The following DDX25 variants were observed in gnomAD, a reference collection of about 807,000 sequenced individuals.
The protein encoded by DDX25 is DEAD-box helicase 25.
A neutral mutation model predicts 64.6 loss-of-function variants in DDX25; 70 were observed. The ratio of observed to expected loss-of-function variants is 1.08; its 90% CI spans 0.89 to 1.32. DDX25 has a LOEUF of 1.32. DDX25 is among the 40% of genes most tolerant of loss of function. The pLI, the probability that DDX25 is intolerant of heterozygous loss-of-function variation, is 0.00. For synonymous variants in DDX25, 211 were observed against 213.3 expected, an observed-to-expected ratio of 0.99 and a Z score of 0.09; for missense variants, 587 against 604.4, an observed-to-expected ratio of 0.97 and a Z score of 0.30.
At chr11:125,917,530 G>A (rs1310901545) in intron 9 of DDX25, among the ~76,000 whole-genome samples, 1 of 152,158 alleles carries the variant, frequency 6.6e-6, no homozygotes, top group Admixed American at 6.6e-5. Flanking sequence ...TATGTTTATT[G>A]TACCTTGTAC....
Position 125,904,579 on chromosome 11 carries a change from A to T in DDX25, c.62A>T (p.His21Leu). Residue 21 changes from histidine to leucine, a missense_variant and splice_region_variant, in exon 1 of 12, where the codon CAC becomes CTC. By Grantham distance (99) the His-to-Leu change is moderately conservative. Transcript: ENST00000263576. ...GCGGAGAGCGAGCGGCTGAACAGCCACGTAACCGCCACCGAGCCGGGGGGC... is the reference window on the plus strand; with the variant it reads ...GCGGAGAGCGAGCGGCTGAACAGCCTCGTAACCGCCACCGAGCCGGGGGGC... ...GAAESERLNS[H>L]FSNLSQPRKN... 6.7e-7 allele frequency: 1 copy of T among 1,487,818 alleles called. No individual in the cohort carries two copies. The allele number at this position is 1,487,818 out of a possible 1,614,324, so 92.2% of individuals were successfully genotyped here.
intron 9 of DDX25, among the ~76,000 whole-genome samples, chr11:125,917,736 T>C (rs1324615081): frequency 3.3e-5 from 5 of 152,178 alleles, no homozygotes; most frequent in Non-Finnish European, 7.3e-5. Context: ...CCAGCACCTA[T>C]CTGGCACATG....
In DDX25 at chr11:125,925,197, T is replaced by C. The variant is rs910570036; in HGVS notation, c.*2316T>C. Reference sequence around the variant, plus strand: ...GCCTTGGGGTGTCCTAAATAAAACTTTACCACTTTCCTTTACAGTTCAAAT... The same window carrying C: ...GCCTTGGGGTGTCCTAAATAAAACTCTACCACTTTCCTTTACAGTTCAAAT... On this transcript the variant is annotated 3_prime_UTR_variant, in exon 12 of 12. Transcript: ENST00000263576. 6.0e-6 allele frequency: 2 copies of C among 335,748 alleles called. No individual in the cohort carries two copies. The highest frequency in any genetic ancestry group is 1.2e-5 in the Non-Finnish European group (2 of 167,744). 20.8% of individuals were successfully genotyped at this position (335,748 alleles called of 1,614,324 possible). A position where few individuals can be genotyped will look rare whatever the true frequency, so the allele number is the denominator to read the frequency against.
Position 125,922,922 on chromosome 11 carries a change from G to T in DDX25, c.*41G>T. On this transcript the variant is annotated 3_prime_UTR_variant, in exon 12 of 12. Coordinates refer to ENST00000263576, the MANE Select transcript of DDX25 (RefSeq NM_013264.5). Reference sequence around the variant, plus strand: ...GTTTGTGCAGTATCCTAGTTTATGTGAGAATGTCTCAGTGGGTTTTGAAGG... The same window carrying T: ...GTTTGTGCAGTATCCTAGTTTATGTTAGAATGTCTCAGTGGGTTTTGAAGG... 6.4e-7 allele frequency: 1 copy of T among 1,556,916 alleles called. No individual in the cohort carries two copies. Among genetic ancestry groups the T allele is most frequent in the African/African-American group, 1.4e-5 (1 of 73,988 alleles).
At chr11:125,922,676 C>T (rs1318318227) in intron 11 of DDX25, 144 bp from the exon 12 acceptor site, 3 of 610,346 alleles carry the variant, frequency 4.9e-6, no homozygotes, top group Admixed American at 3.2e-5. Context: ...TAGTATTGGT[C>T]AGTGATTTTG....
chr11:125,928,757 G>T lies in DDX25; in HGVS notation c.*5876G>T, dbSNP rs1360517417. ...CCCATTTATCTTGTGGGATGTTAAT[G>T]GTTTCCTTGTCAAGTTGTGTGAAAT... On this transcript the variant is annotated 3_prime_UTR_variant, in exon 12 of 12. Transcript: ENST00000263576. 3.3e-5 allele frequency: 5 copies of T among 152,096 alleles called. No individual in the cohort carries two copies. Among genetic ancestry groups the T allele is most frequent in the African/African-American group, 4.8e-5 (2 of 41,408 alleles). 9.4% of individuals were successfully genotyped at this position (152,096 alleles called of 1,614,324 possible). A position where few individuals can be genotyped will look rare whatever the true frequency, so the allele number is the denominator to read the frequency against.
intron 4 of DDX25, among the ~76,000 whole-genome samples, chr11:125,906,825 A>AAAG (rs1944895205): frequency 6.7e-6 from 1 of 149,282 alleles, no homozygotes. Context: ...CTCCGTCTCA[A>AAAG]AAAAAAAAAA....
At chr11:125,905,667 T>G in intron 3 of DDX25, 70 bp downstream of exon 3, 1 of 1,429,788 alleles carries the variant, frequency 7.0e-7, no homozygotes, top group Admixed American at 2.0e-5. Flanking sequence ...ATAGTGTGAG[T>G]GAATAATATA....
chr11:125,922,841 A>T lies in DDX25; in HGVS notation c.1412A>T (p.Asn471Ile). Reference sequence around the variant, plus strand: ...TTAGACAGCAGTATTAAGCAACTCAACGCTGAAGACATGGATGAAATTGAA... The same window carrying T: ...TTAGACAGCAGTATTAAGCAACTCATCGCTGAAGACATGGATGAAATTGAA... ...DHFNSSIKQL[N>I]AEDMDEIEKI... Residue 471 changes from asparagine to isoleucine, a missense_variant, in exon 12 of 12, where the codon AAC becomes ATC. Asn to Ile is a moderately radical substitution (Grantham distance 149, BLOSUM62 -3). Coordinates refer to ENST00000263576, the MANE Select transcript of DDX25 (RefSeq NM_013264.5). 1 of 1,610,108 alleles carries T rather than the reference A, an allele frequency of 6.2e-7. No individual in the cohort carries two copies. Among genetic ancestry groups the T allele is most frequent in the Non-Finnish European group, 8.5e-7 (1 of 1,177,888 alleles).
intron 4 of DDX25, among the ~76,000 whole-genome samples, chr11:125,906,597 G>A (rs1944891533): frequency 3.3e-5 from 5 of 152,034 alleles, no homozygotes; most frequent in Admixed American, 3.3e-4. Context: ...AGCTGAGGAG[G>A]GCAGATCGCC....
Position 125,922,939 on chromosome 11 carries a change from T to C in DDX25, c.*58T>C. On this transcript the variant is annotated 3_prime_UTR_variant, in exon 12 of 12. Coordinates refer to ENST00000263576, the MANE Select transcript of DDX25 (RefSeq NM_013264.5). ...GTTTATGTGAGAATGTCTCAGTGGG[T>C]TTTGAAGGTAATTTTTTTATGTTGA... is the stretch of plus-strand genomic sequence containing the variant. The C allele has an allele frequency of 6.7e-7, 1 of 1,485,764 alleles. No homozygotes were observed. The highest frequency in any genetic ancestry group is 1.3e-5 in the South Asian group (1 of 77,320). 92.0% of individuals were successfully genotyped at this position (1,485,764 alleles called of 1,614,324 possible). A position where few individuals can be genotyped will look rare whatever the true frequency, so the allele number is the denominator to read the frequency against.
At chr11:125,907,431 AC>A (rs1212516106) in intron 4 of DDX25, among the ~76,000 whole-genome samples, 16 of 152,066 alleles carry the variant, frequency 1.1e-4, no homozygotes, top group African/African-American at 2.7e-4. Flanking sequence ...ACACAGTGAA[AC>A]CCCGTCTCTA....
chr11:125,909,418 T>C (rs912893814), intron 6 of DDX25, among the ~76,000 whole-genome samples: 2 of 152,230 alleles, frequency 1.3e-5, no homozygotes, highest in Admixed American at 1.3e-4. Context: ...TGTTTCCCTA[T>C]CACAGATTCC....
At position 125,905,407 on chromosome 11, in the gene DDX25, C is replaced by T. The variant is rs1021856598; in HGVS notation, c.130+129C>T. The T allele has an allele frequency of 6.0e-6, 8 of 1,337,200 alleles. No homozygotes were observed. The Admixed American group carries it at 1.2e-4, about 20-fold the overall frequency. 82.8% of individuals were successfully genotyped at this position (1,337,200 alleles called of 1,614,324 possible). A position where few individuals can be genotyped will look rare whatever the true frequency, so the allele number is the denominator to read the frequency against. On this transcript the variant is annotated intron_variant, in intron 2 of 11. Coordinates refer to ENST00000263576, the MANE Select transcript of DDX25 (RefSeq NM_013264.5). ...GACATTCAGCACTCTCCATTACCTTCCCAATCGTTTCGTCCATTCCTCCAT... is the reference window on the plus strand; with the variant it reads ...GACATTCAGCACTCTCCATTACCTTTCCAATCGTTTCGTCCATTCCTCCAT...
chr11:125,909,768 G>C (rs1050289247), intron 6 of DDX25, among the ~76,000 whole-genome samples: 1 of 151,520 alleles, frequency 6.6e-6, no homozygotes, highest in Non-Finnish European at 1.5e-5. Flanking sequence ...TCCTGCCTCA[G>C]CCTCCCAAGT....
rs1338933499 is a variant in DDX25, at chr11:125,927,110, T to C, written c.*4229T>C. The C allele has an allele frequency of 2.0e-5, 3 of 152,220 alleles. No individual in the cohort carries two copies. Among genetic ancestry groups the C allele is most frequent in the African/African-American group, 4.8e-5 (2 of 41,450 alleles). 9.4% of individuals were successfully genotyped at this position (152,220 alleles called of 1,614,324 possible). On this transcript the variant is annotated 3_prime_UTR_variant, in exon 12 of 12. Coordinates refer to ENST00000263576, the MANE Select transcript of DDX25 (RefSeq NM_013264.5). The stretch of plus-strand genomic sequence containing the variant: ...GCAAACTATCAGTTTTAAATGTGGG[T>C]GGGGCTGAAGCACCATTCTCCATTT...
rs1013120632 is a variant in DDX25, at chr11:125,928,774, G to A, written c.*5893G>A. The A allele has an allele frequency of 6.6e-6, 1 of 152,142 alleles. No individual in the cohort carries two copies. Among genetic ancestry groups the A allele is most frequent in the Admixed American group, 6.5e-5 (1 of 15,270 alleles). The allele number at this position is 152,142 out of a possible 1,614,324, so 9.4% of individuals were successfully genotyped here. A position where few individuals can be genotyped will look rare whatever the true frequency, so the allele number is the denominator to read the frequency against. ...ATGTTAATGGTTTCCTTGTCAAGTT[G>A]TGTGAAATATATGTGTGAATTTATT... On this transcript the variant is annotated 3_prime_UTR_variant, in exon 12 of 12. Coordinates refer to ENST00000263576, the MANE Select transcript of DDX25 (RefSeq NM_013264.5).
intron 10 of DDX25, chr11:125,920,913 CACACAT>C (rs987790369): frequency 4.6e-5 from 11 of 238,490 alleles, no homozygotes; most frequent in South Asian, 1.6e-4. Context: ...CCACCACACA[CACACAT>C]ACACACACAC....
At chr11:125,915,540 C>T (rs1175419560) in intron 8 of DDX25, among the ~76,000 whole-genome samples, 1 of 152,162 alleles carries the variant, frequency 6.6e-6, no homozygotes, top group Non-Finnish European at 1.5e-5. Flanking sequence ...AACTCTTAAA[C>T]TTTCACTAAG....
Sources: allele counts gnomAD v4.1 joint callset (sites outside exome capture counted in the v4.1 genomes callset), GRCh38; gene constraint gnomAD v4.1.1; transcripts MANE v1.5; gene names NCBI Gene and HGNC (gene_info 2026-07-23, HGNC 2026-07-21).